The following SSX2IP variants were observed in gnomAD, a reference collection of about 807,000 sequenced individuals.
SSX2IP encodes afadin- and alpha-actinin-binding protein.
SSX2IP carries 55 observed loss-of-function variants against 84.9 expected under a neutral mutation model. The ratio of observed to expected loss-of-function variants is 0.65; its 90% CI spans 0.52 to 0.81. The LOEUF is 0.81. SSX2IP is among the 30% of genes least tolerant of loss of function. SSX2IP has a pLI of 0.00. For synonymous variants in SSX2IP, 239 were observed against 234.7 expected (o/e 1.02, Z -0.17); for missense variants, 664 against 705.2 (o/e 0.94, Z 0.66).
At position 84,664,456 on chromosome 1, in the gene SSX2IP, G is replaced by T; in HGVS notation, c.634C>A (p.Leu212Ile). The part of the protein sequence containing the change: ...EREYNKLKER[L>I]HQLVMNKKDK... ...TTCTTGTTCATAACAAGTTGATGTA[G>T]ACGTTCCTTCAGTTTATTATATTCA... Residue 212 changes from leucine to isoleucine, a missense_variant, in exon 6 of 14, where the codon CTA (leucine) becomes ATA (isoleucine). Coordinates refer to ENST00000342203, the MANE Select transcript of SSX2IP (RefSeq NM_001166293.2). The T allele has an allele frequency of 6.2e-7, 1 of 1,601,752 alleles. No homozygotes were observed. Among genetic ancestry groups the T allele is most frequent in the South Asian group, 1.1e-5 (1 of 88,734 alleles).
intron 1 of SSX2IP, among the ~76,000 whole-genome samples, chr1:84,671,938 A>C (rs1653633457): frequency 6.6e-6 from 1 of 152,208 alleles, no homozygotes; most frequent in Non-Finnish European, 1.5e-5. Flanking sequence ...ACAATATCAA[A>C]AGAACAAAAA....
At chr1:84,678,417 C>T (rs1654663345) in intron 1 of SSX2IP, among the ~76,000 whole-genome samples, 1 of 152,118 alleles carries the variant, frequency 6.6e-6, no homozygotes, top group African/African-American at 2.4e-5. Flanking sequence ...AACCGCCATC[C>T]CCATCACATA....
intron 1 of SSX2IP, among the ~76,000 whole-genome samples, chr1:84,681,686 C>A (rs1288175031): frequency 6.6e-6 from 1 of 152,202 alleles, no homozygotes; most frequent in Non-Finnish European, 1.5e-5. Flanking sequence ...TGAAAGTACT[C>A]TTAGCTCAAT....
chr1:84,647,604 T>G lies in SSX2IP; in HGVS notation c.1674A>C (p.Ser558=). 1 of 1,584,694 alleles carries G rather than the reference T, an allele frequency of 6.3e-7. No homozygotes were observed. The change falls in exon 14 of 14, where the codon TCA becomes TCC. Residue 558 remains serine (S), a synonymous_variant. Transcript: ENST00000342203. ...CAGCAGTTATATTCAGTACATTGAT[T>G]GAACTGTTGGGAAAAGAAAGGCAGA... ...QTRSCISEHS[S]INVLNITAEE...
rs770045719 is a variant in SSX2IP, at chr1:84,662,511, A to G, written c.693T>C (p.Tyr231=). The change falls in exon 7 of 14, where the codon TAT becomes TAC. Residue 231 remains tyrosine (Y), a synonymous_variant. Coordinates refer to ENST00000342203, the MANE Select transcript of SSX2IP (RefSeq NM_001166293.2). ...DKKIAMDILN[Y]VGRADGKRGS... ...CTCTTTTTCCATCAGCTCTCCCGAC[A>G]TAATTCAAAATGTCCATAGCTACAA... 7.4e-6 allele frequency: 12 copies of G among 1,613,990 alleles called. 1 individual carries two copies. The South Asian group carries it at 1.3e-4, about 18-fold the overall frequency.
intron 1 of SSX2IP, among the ~76,000 whole-genome samples, chr1:84,672,041 A>C (rs910686683): frequency 2.6e-5 from 4 of 152,256 alleles, no homozygotes; most frequent in Non-Finnish European, 4.4e-5. Context: ...GATGGCAAAC[A>C]AACAGCCAAA....
Position 84,662,391 on chromosome 1 carries a change from T to C in SSX2IP, c.750-16A>G. 6.2e-7 allele frequency: 1 copy of C among 1,607,058 alleles called. No homozygotes were observed. Among genetic ancestry groups the C allele is most frequent in the Non-Finnish European group, 8.5e-7 (1 of 1,177,110 alleles). The stretch of plus-strand genomic sequence containing the variant: ...ATCTTCATTCCTGAGAAAGAAACTG[T>C]CAGTATGAAAATGCAGGATAGAAGG... On this transcript the variant is annotated splice_polypyrimidine_tract_variant and intron_variant, in intron 7 of 13. Transcript: ENST00000342203.
chr1:84,648,263 T>C (rs1272079595), intron 13 of SSX2IP, among the ~76,000 whole-genome samples: 1 of 152,202 alleles, frequency 6.6e-6, no homozygotes, highest in Admixed American at 6.5e-5. Context: ...GCACAGCTTC[T>C]CTATTAGTTA....
chr1:84,658,447 C>T lies in SSX2IP; in HGVS notation c.949G>A (p.Asp317Asn). Residue 317 changes from aspartate (D) to asparagine (N), a missense_variant, in exon 9 of 14, where the codon GAT becomes AAT. Asp to Asn is a conservative substitution (Grantham distance 23). Coordinates refer to ENST00000342203, the MANE Select transcript of SSX2IP (RefSeq NM_001166293.2). ...TGTVISDVEE[D>N]AGELSRESMW... ...CTCTCTCTGCTTAGTTCCCCGGCAT[C>T]TTCTTCAACATCGGAAATAACCTAC... 4 of 1,614,026 alleles carry T rather than the reference C, an allele frequency of 2.5e-6. No homozygotes were observed. The highest frequency in any genetic ancestry group is 3.4e-6 in the Non-Finnish European group (4 of 1,179,970).
At chr1:84,658,030 C>G (rs2911561) in intron 9 of SSX2IP, among the ~76,000 whole-genome samples, 109,161 of 151,970 alleles carry the variant, frequency 0.72, 39,542 homozygotes, top group Non-Finnish European at 0.77. Context: ...AGCTGCTCAG[C>G]AGGCTGAGGC....
chr1:84,652,058 C>T (rs1650335179), intron 11 of SSX2IP, 61 bp from the exon 12 acceptor site: 1 of 1,197,402 alleles, frequency 8.4e-7, no homozygotes, highest in Non-Finnish European at 1.2e-6. Flanking sequence ...GTTGCCATTT[C>T]ACATGATTGC....
intron 1 of SSX2IP, among the ~76,000 whole-genome samples, chr1:84,671,665 C>T (rs1252640835): frequency 2.6e-5 from 4 of 152,064 alleles, no homozygotes; most frequent in African/African-American, 9.7e-5. Flanking sequence ...TGATGAAAAA[C>T]TTCTTCTTGG....
At chr1:84,676,070 C>T (rs1212794275) in intron 1 of SSX2IP, among the ~76,000 whole-genome samples, 1 of 152,182 alleles carries the variant, frequency 6.6e-6, no homozygotes, top group Admixed American at 6.5e-5. Context: ...GCAAAATAAG[C>T]TTTCTAAATT....
At chr1:84,652,867 T>C (rs930995891) in intron 11 of SSX2IP, among the ~76,000 whole-genome samples, 2 of 149,162 alleles carry the variant, frequency 1.3e-5, no homozygotes, top group African/African-American at 5.0e-5. Flanking sequence ...CTACTAAAAA[T>C]ACAAAACAAA....
In SSX2IP at chr1:84,647,552, CT is replaced by C; in HGVS notation, c.1725del (p.Gly576GlufsTer26). 1 of 1,612,884 alleles carries C rather than the reference CT, an allele frequency of 6.2e-7. No individual in the cohort carries two copies. Among genetic ancestry groups the C allele is most frequent in the Non-Finnish European group, 8.5e-7 (1 of 1,179,388 alleles). ...CTCCATTTTTGATTTGTACATTCTCCTCCAACCTGATTTGGTTTAATTTCTT... is the reference window on the plus strand; with the variant it reads ...CTCCATTTTTGATTTGTACATTCTCCCCAACCTGATTTGGTTTAATTTCTT... ...TAEEIKPNQV[G>X]GECTNQKWSV... On this transcript the variant is annotated frameshift_variant, in exon 14 of 14. Transcript: ENST00000342203. LOFTEE classifies it high-confidence loss of function.
At chr1:84,690,161 C>T (rs1025813182) in intron 1 of SSX2IP, 12 of 152,416 alleles carry the variant, frequency 7.9e-5, no homozygotes, top group African/African-American at 2.9e-4. Context: ...TACCTCCCAC[C>T]TCCTCCTCCA....
chr1:84,673,539 T>C (rs536262803), intron 1 of SSX2IP, among the ~76,000 whole-genome samples: 21 of 152,338 alleles, frequency 1.4e-4, no homozygotes, highest in African/African-American at 5.1e-4. Context: ...TTCTCTTTTA[T>C]GCTTTAAGAA....
chr1:84,668,409 T>G (rs1653057535), intron 4 of SSX2IP, among the ~76,000 whole-genome samples: 1 of 152,116 alleles, frequency 6.6e-6, no homozygotes, highest in South Asian at 2.1e-4. Flanking sequence ...TCTACCACAG[T>G]TCCCCAGTCA....
chr1:84,658,298 T>C lies in SSX2IP; in HGVS notation c.1078+20A>G. ...ACCAAATGTCACAACTCACTTTACATGCATAGAAGCAGTGGTTACCTTGGT... is the reference window on the plus strand; with the variant it reads ...ACCAAATGTCACAACTCACTTTACACGCATAGAAGCAGTGGTTACCTTGGT... On this transcript the variant is annotated intron_variant, in intron 9 of 13. Coordinates refer to ENST00000342203, the MANE Select transcript of SSX2IP (RefSeq NM_001166293.2). The C allele has an allele frequency of 1.2e-6, 2 of 1,613,630 alleles. No individual in the cohort carries two copies. The highest frequency in any genetic ancestry group is 1.1e-5 in the South Asian group (1 of 90,972).
Sources: gnomAD v4.1 joint callset for allele counts (sites outside exome capture counted in the v4.1 genomes callset) on GRCh38, gnomAD v4.1.1 for gene constraint, MANE v1.5 for transcripts, NCBI Gene and HGNC (gene_info 2026-07-23, HGNC 2026-07-21) for gene names.